TBCK: variants seen among roughly 807,000 people sequenced by gnomAD.
The protein encoded by TBCK is TBC1 domain containing kinase.
TBCK carries 99 observed loss-of-function variants against 113.4 expected under a neutral mutation model. The observed-to-expected ratio is 0.87, with a 90% confidence interval of 0.74 to 1.03. The LOEUF (loss-of-function observed/expected upper bound fraction) is 1.03, where lower values mean the gene tolerates loss of function less well. TBCK is among the 50% of genes least tolerant of loss of function. The probability of loss-of-function intolerance (pLI) is 0.00; values close to 1 mark genes in which losing one functional copy is unlikely to be tolerated. For missense variants in TBCK, 1,045 were observed against 1,061.3 expected (o/e 0.98, Z 0.21); for synonymous variants, 369 against 370.8 (o/e 1.00, Z 0.05).
chr4:106,123,866 A>T (rs1314606643), intron 23 of TBCK, among the ~76,000 whole-genome samples: 6 of 149,240 alleles, frequency 4.0e-5, no homozygotes, highest in Non-Finnish European at 9.0e-5. Context: ...TGGATTAAAG[A>T]CTTAAACGTT....
intron 2 of TBCK, among the ~76,000 whole-genome samples, chr4:106,306,865 A>G (rs1289735726): frequency 3.3e-5 from 5 of 152,228 alleles, no homozygotes; most frequent in African/African-American, 9.6e-5. Context: ...TGCAGAATCA[A>G]TCAATCAAAG....
intron 4 of TBCK, 51 bp downstream of exon 4, chr4:106,262,047 C>T: frequency 1.9e-6 from 2 of 1,073,650 alleles, no homozygotes; most frequent in Non-Finnish European, 2.7e-6. Context: ...ATCCCAGTTG[C>T]TTCCAATTTC....
chr4:106,076,194 T>C (rs1738171194), intron 25 of TBCK, among the ~76,000 whole-genome samples: 1 of 152,160 alleles, frequency 6.6e-6, no homozygotes, highest in Non-Finnish European at 1.5e-5. Context: ...GGAGGCACCA[T>C]AGGCAGGCAG....
At chr4:106,061,715 A>T (rs1218682644) in intron 25 of TBCK, among the ~76,000 whole-genome samples, 1 of 151,332 alleles carries the variant, frequency 6.6e-6, no homozygotes, top group African/African-American at 2.4e-5. Flanking sequence ...GCAGATCCTT[A>T]TTACAAGATG....
rs186520773 is a variant in TBCK at position 106,177,681 on chromosome 4, T to C, written c.2060-6411A>G. ...TTTCTGAGTTATCTATTCCATTTCA[T>C]TGGTCTATGTGCAGGTTTTTATGTC... On this transcript the variant is annotated intron_variant, in intron 22 of 25. Coordinates refer to ENST00000394708, the MANE Select transcript of TBCK (RefSeq NM_001163435.3). Among the ~76,000 whole-genome samples the C allele has an allele frequency of 1.4e-4, 22 of 152,052 alleles. No homozygotes were observed. The East Asian group carries it at 4.1e-3, about 28-fold the overall frequency.
intron 5 of TBCK, among the ~76,000 whole-genome samples, chr4:106,255,362 C>A (rs999858811): frequency 6.6e-6 from 1 of 152,184 alleles, no homozygotes; most frequent in Non-Finnish European, 1.5e-5. Flanking sequence ...GGATGCCACG[C>A]GGCCAAGGGA....
chr4:106,113,891 A>T (rs1354503805), intron 24 of TBCK, among the ~76,000 whole-genome samples: 1 of 151,898 alleles, frequency 6.6e-6, no homozygotes, highest in Non-Finnish European at 1.5e-5. Context: ...TTAAACAAAC[A>T]CCCCCTTCTC....
intron 23 of TBCK, among the ~76,000 whole-genome samples, chr4:106,131,756 G>C (rs1347096589): frequency 2.6e-5 from 4 of 152,176 alleles, no homozygotes; most frequent in Non-Finnish European, 5.9e-5. Context: ...GAAGAAGATG[G>C]AAAAAGGTGG....
rs188536538 is a variant in TBCK, at chr4:106,309,453, C to T, written c.-29-464G>A. Among the ~76,000 whole-genome samples, 702 of 151,882 alleles carry T rather than the reference C, an allele frequency of 4.6e-3. 3 individuals carry two copies. Among genetic ancestry groups the T allele is most frequent in the South Asian group, 0.02 (95 of 4,804 alleles). ...TCAGCCTCCCGAGTAGAGGCACCCACGACCACACCCAGTTAACTTTTTGTA... is the reference window on the plus strand; with the variant it reads ...TCAGCCTCCCGAGTAGAGGCACCCATGACCACACCCAGTTAACTTTTTGTA... On this transcript the variant is annotated intron_variant, in intron 1 of 25. Coordinates refer to ENST00000394708, the MANE Select transcript of TBCK (RefSeq NM_001163435.3).
At chr4:106,125,708 G>A (rs1386375230) in intron 23 of TBCK, among the ~76,000 whole-genome samples, 1 of 152,088 alleles carries the variant, frequency 6.6e-6, no homozygotes, top group Non-Finnish European at 1.5e-5. Context: ...AGGTGGACAG[G>A]GTGGGTTTGG....
chr4:106,086,388 G>A (rs1191652876), intron 25 of TBCK, among the ~76,000 whole-genome samples: 1 of 152,122 alleles, frequency 6.6e-6, no homozygotes, highest in African/African-American at 2.4e-5. Context: ...CCAGGAAGAA[G>A]TTGAATCCCT....
chr4:106,049,043 G>A (rs1734518228), intron 25 of TBCK, among the ~76,000 whole-genome samples: 1 of 152,130 alleles, frequency 6.6e-6, no homozygotes, highest in South Asian at 2.1e-4. Flanking sequence ...AAGATTATGA[G>A]TTATGCTCCT....
chr4:106,077,220 C>T (rs1226153007), intron 25 of TBCK, among the ~76,000 whole-genome samples: 1 of 152,236 alleles, frequency 6.6e-6, no homozygotes, highest in Non-Finnish European at 1.5e-5. Context: ...TAAAAACACA[C>T]TTAAGAACAT....
In TBCK at chr4:106,046,417, G is replaced by A. The variant is rs1734219613; in HGVS notation, c.*153C>T. 1 of 527,202 alleles carries A rather than the reference G, an allele frequency of 1.9e-6. No homozygotes were observed. Among genetic ancestry groups the A allele is most frequent in the Non-Finnish European group, 3.4e-6 (1 of 296,100 alleles). 32.7% of individuals were successfully genotyped at this position (527,202 alleles called of 1,614,324 possible). A position where few individuals can be genotyped will look rare whatever the true frequency, so the allele number is the denominator to read the frequency against. Reference sequence around the variant, plus strand: ...TTCTTGCATGGATAACTGAACATGTGGGTTATGAGATTTTAAAAAATGTCT... The same window carrying A: ...TTCTTGCATGGATAACTGAACATGTAGGTTATGAGATTTTAAAAAATGTCT... On this transcript the variant is annotated 3_prime_UTR_variant, in exon 26 of 26. Coordinates refer to ENST00000394708, the MANE Select transcript of TBCK (RefSeq NM_001163435.3).
At chr4:106,061,667 A>AGTAT (rs147746798) in intron 25 of TBCK, among the ~76,000 whole-genome samples, 2 of 148,410 alleles carry the variant, frequency 1.3e-5, no homozygotes, top group Non-Finnish European at 1.5e-5. Context: ...TGTTTCTGTG[A>AGTAT]GTGTGTGTGT....
intron 23 of TBCK, 87 bp downstream of exon 23, chr4:106,171,008 C>A: frequency 2.0e-6 from 2 of 995,720 alleles, no homozygotes; most frequent in Non-Finnish European, 2.8e-6. Context: ...TAAATGACAC[C>A]ATTAAGAACA....
intron 19 of TBCK, among the ~76,000 whole-genome samples, chr4:106,216,583 A>C (rs1171210572): frequency 1.3e-5 from 2 of 152,308 alleles, no homozygotes; most frequent in East Asian, 1.9e-4. Context: ...AGAATACTAC[A>C]AACACCTCTA....
chr4:106,235,966 T>A (rs560287870), intron 14 of TBCK, among the ~76,000 whole-genome samples: 23 of 152,146 alleles, frequency 1.5e-4, no homozygotes, highest in Admixed American at 1.2e-3. Flanking sequence ...TATCATTGCA[T>A]CTGTGCTCAC....
chr4:106,309,702 T>A (rs1237359593), intron 1 of TBCK, among the ~76,000 whole-genome samples: 1 of 152,108 alleles, frequency 6.6e-6, no homozygotes, highest in African/African-American at 2.4e-5. Context: ...GAAATATAGG[T>A]ACCAACTAGT....
Sources: gnomAD v4.1 joint callset for allele counts (sites outside exome capture counted in the v4.1 genomes callset) on GRCh38, gnomAD v4.1.1 for gene constraint, MANE v1.5 for transcripts, NCBI Gene and HGNC (gene_info 2026-07-23, HGNC 2026-07-21) for gene names.